Variants in DLG2 observed in about 807,000 individuals in gnomAD.
DLG2 encodes discs large MAGUK scaffold protein 2.
In DLG2, 45 loss-of-function variants were observed where a neutral mutation model predicts 132.5. That is an observed-to-expected ratio of 0.34 (90% CI 0.27 to 0.44). The LOEUF (loss-of-function observed/expected upper bound fraction) is 0.44, where lower values mean the gene tolerates loss of function less well. Among genes scored for constraint, DLG2 ranks in the 20% least tolerant of loss-of-function variants. The pLI, the probability that DLG2 is intolerant of heterozygous loss-of-function variation, is 1.00. For missense variants in DLG2, 1,045 were observed against 1,196.9 expected (o/e 0.87, Z 1.87); for synonymous variants, 424 against 419.6 (o/e 1.01, Z -0.13).
chr11:84,569,263 C>A (rs952953936), intron 6 of DLG2, among the ~76,000 whole-genome samples: 5 of 152,184 alleles, frequency 3.3e-5, no homozygotes, highest in Non-Finnish European at 7.3e-5. Flanking sequence ...TGCCAAAGAA[C>A]CCCTGGAAAG....
At chr11:84,882,921 T>A (rs564353934) in intron 6 of DLG2, among the ~76,000 whole-genome samples, 1 of 152,008 alleles carries the variant, frequency 6.6e-6, no homozygotes. Context: ...GAATTTTCAA[T>A]AGGAATTTGC....
chr11:85,270,421 T>A (rs1477434682), intron 4 of DLG2, among the ~76,000 whole-genome samples: 2 of 152,166 alleles, frequency 1.3e-5, no homozygotes, highest in Non-Finnish European at 2.9e-5. Flanking sequence ...AATTGCCCAG[T>A]GTCTGGTACA....
intron 6 of DLG2, among the ~76,000 whole-genome samples, chr11:85,097,145 C>T (rs954260691): frequency 6.6e-6 from 1 of 152,206 alleles, no homozygotes; most frequent in East Asian, 1.9e-4. Flanking sequence ...CTTCTCTCAT[C>T]TCCCAGGGTA....
chr11:84,363,544 G>A (rs1003902731), intron 7 of DLG2, among the ~76,000 whole-genome samples: 27 of 151,886 alleles, frequency 1.8e-4, no homozygotes, highest in Middle Eastern at 3.4e-3. Context: ...TTTGTCTTCT[G>A]TTGCCATTGC....
chr11:83,783,322 G>A (rs1180629643), intron 18 of DLG2, among the ~76,000 whole-genome samples: 1 of 152,130 alleles, frequency 6.6e-6, no homozygotes, highest in African/African-American at 2.4e-5. Context: ...TTTGTAAAGT[G>A]AAACTTGCCA....
At chr11:83,895,362 G>A (rs751180965) in intron 15 of DLG2, among the ~76,000 whole-genome samples, 6 of 152,080 alleles carry the variant, frequency 3.9e-5, no homozygotes, top group Admixed American at 1.3e-4. Context: ...GTTTCTCCAC[G>A]TTGGTCAGGC....
chr11:83,724,453 C>CCGTG (rs1221671116), intron 18 of DLG2, among the ~76,000 whole-genome samples: 2 of 127,860 alleles, frequency 1.6e-5, no homozygotes, highest in African/African-American at 6.8e-5. Context: ...ATCAATCTCT[C>CCGTG]TCTCCGTGTG....
chr11:84,392,782 C>T (rs1487908483), intron 7 of DLG2, among the ~76,000 whole-genome samples: 1 of 152,066 alleles, frequency 6.6e-6, no homozygotes, highest in Non-Finnish European at 1.5e-5. Flanking sequence ...ATAACGTTTA[C>T]TTATCAAATT....
At chr11:84,420,699 T>A (rs1151245) in intron 7 of DLG2, among the ~76,000 whole-genome samples, 1 of 117,234 alleles carries the variant, frequency 8.5e-6, no homozygotes, top group Non-Finnish European at 1.7e-5. Flanking sequence ...GACGGAGTCT[T>A]GCTCTGTCGC....
chr11:85,352,996 T>C (rs1021283025), intron 3 of DLG2, among the ~76,000 whole-genome samples: 2 of 152,092 alleles, frequency 1.3e-5, no homozygotes, highest in African/African-American at 2.4e-5. Flanking sequence ...TGGGATCTAA[T>C]TAAACTAAAG....
intron 6 of DLG2, among the ~76,000 whole-genome samples, chr11:84,538,696 G>T (rs1337115013): frequency 6.6e-6 from 1 of 152,018 alleles, no homozygotes; most frequent in African/African-American, 2.4e-5. Flanking sequence ...CTTGGATGAA[G>T]CTTGGGATGT....
intron 3 of DLG2, among the ~76,000 whole-genome samples, chr11:85,424,684 T>C (rs2090577791): frequency 6.6e-6 from 1 of 152,054 alleles, no homozygotes. Flanking sequence ...TTCAGAGAGG[T>C]TAAGTAAATG....
At chr11:85,427,968 G>T (rs1349725298) in intron 3 of DLG2, among the ~76,000 whole-genome samples, 1 of 152,092 alleles carries the variant, frequency 6.6e-6, no homozygotes, top group African/African-American at 2.4e-5. Context: ...AAAGGCAGAG[G>T]TTGCAATCCT....
intron 15 of DLG2, among the ~76,000 whole-genome samples, chr11:83,919,564 G>A (rs898032259): frequency 6.6e-6 from 1 of 152,056 alleles, no homozygotes; most frequent in African/African-American, 2.4e-5. Context: ...GGTGGCTGTT[G>A]ACTATATCCA....
At chr11:83,786,496 G>T (rs1297063507) in intron 18 of DLG2, 194 bp downstream of exon 18, 2 of 541,630 alleles carry the variant, frequency 3.7e-6, no homozygotes, top group East Asian at 2.9e-5. Flanking sequence ...CTAACTGCTT[G>T]ATATTTTCCT....
At chr11:83,716,796 G>GT (rs2086810714) in intron 18 of DLG2, among the ~76,000 whole-genome samples, 1 of 151,958 alleles carries the variant, frequency 6.6e-6, no homozygotes. Flanking sequence ...AATGTATTTG[G>GT]TTTTTTATAA....
intron 6 of DLG2, among the ~76,000 whole-genome samples, chr11:84,656,431 G>T (rs1052451262): frequency 2.0e-5 from 3 of 152,126 alleles, no homozygotes; most frequent in Admixed American, 1.3e-4. Context: ...ATAATACACT[G>T]AAATTTTAGA....
At chr11:83,464,093 G>A (rs561223269) in intron 26 of DLG2, among the ~76,000 whole-genome samples, 1 of 152,320 alleles carries the variant, frequency 6.6e-6, no homozygotes, top group East Asian at 1.9e-4. Context: ...TAAGATAGTT[G>A]AAGACAGAAG....
chr11:85,012,687 G>A (rs540207286), intron 6 of DLG2, among the ~76,000 whole-genome samples: 1 of 152,024 alleles, frequency 6.6e-6, no homozygotes, highest in African/African-American at 2.4e-5. Context: ...TTACTGTTAT[G>A]GATATAAAAT....
Sources: gnomAD v4.1 joint callset for allele counts (sites outside exome capture counted in the v4.1 genomes callset) on GRCh38, gnomAD v4.1.1 for gene constraint, MANE v1.5 for transcripts, NCBI Gene and HGNC (gene_info 2026-07-23, HGNC 2026-07-21) for gene names.